ARHGAP26: variants seen among roughly 807,000 people sequenced by gnomAD.
The protein encoded by ARHGAP26 is Rho GTPase activating protein 26.
Under a neutral mutation model 104.8 loss-of-function variants are expected in ARHGAP26, and 38 were observed. The observed-to-expected ratio is 0.36, with a 90% CI of 0.28 to 0.48. ARHGAP26 has a LOEUF of 0.48. Among genes scored for constraint, ARHGAP26 ranks in the 20% least tolerant of loss-of-function variants. The pLI, the probability that ARHGAP26 is intolerant of heterozygous loss-of-function variation, is 0.99. For missense variants in ARHGAP26, 704 were observed against 947.9 expected, an observed-to-expected ratio of 0.74 and a Z score of 3.38; for synonymous variants, 341 against 340.0, an observed-to-expected ratio of 1.00 and a Z score of -0.03.
At chr5:143,062,316 G>C (rs1177447827) in intron 17 of ARHGAP26, among the ~76,000 whole-genome samples, 2 of 152,090 alleles carry the variant, frequency 1.3e-5, no homozygotes, top group African/African-American at 2.4e-5. Flanking sequence ...TTCCCTATGT[G>C]TTCTTTTCAT....
At chr5:143,198,325 T>G (rs1349290735) in intron 20 of ARHGAP26, among the ~76,000 whole-genome samples, 1 of 152,206 alleles carries the variant, frequency 6.6e-6, no homozygotes, top group African/African-American at 2.4e-5. Flanking sequence ...CCAAAATGCT[T>G]TAGTGTTTTC....
intron 11 of ARHGAP26, among the ~76,000 whole-genome samples, chr5:142,981,184 A>T (rs1245158987): frequency 1.3e-5 from 2 of 152,250 alleles, no homozygotes; most frequent in African/African-American, 2.4e-5. Flanking sequence ...GATAAAGAAC[A>T]TAGGCTTTGC....
rs1211259716 is a variant in ARHGAP26 at position 143,041,605 on chromosome 5, T to C, written c.1211-211T>C. 1.9e-5 allele frequency: 10 copies of C among 529,768 alleles called. 1 individual carries two copies. The highest frequency in any genetic ancestry group is 5.4e-5 in the South Asian group (2 of 37,170). The allele number at this position is 529,768 out of a possible 1,614,324, so 32.8% of individuals were successfully genotyped here. Reference sequence around the variant, plus strand: ...GACTGAACTAACATGAGGGCTGAAGTGTGCAGCACATCCGTGAAATCCTAG... The same window carrying C: ...GACTGAACTAACATGAGGGCTGAAGCGTGCAGCACATCCGTGAAATCCTAG... On this transcript the variant is annotated intron_variant, in intron 13 of 22. Coordinates refer to ENST00000645722, the MANE Select transcript of ARHGAP26 (RefSeq NM_001135608.3).
At chr5:142,983,877 T>G (rs909302579) in intron 11 of ARHGAP26, among the ~76,000 whole-genome samples, 1 of 152,264 alleles carries the variant, frequency 6.6e-6, no homozygotes, top group African/African-American at 2.4e-5. Flanking sequence ...AGTAGGATTT[T>G]CATTTAATTT....
chr5:143,066,936 C>T lies in ARHGAP26; in HGVS notation c.1538+9189C>T, dbSNP rs958740574. On this transcript the variant is annotated intron_variant, in intron 17 of 22. Transcript: ENST00000645722. ...CTTCCCTGTGAATATCAGGGCTCTT[C>T]GTGATTCAAATGCTCTGTGGGGTGG... 3.9e-5 allele frequency among the ~76,000 whole-genome samples: 6 copies of T among 152,178 alleles called. No individual in the cohort carries two copies. The East Asian group carries it at 9.7e-4, about 25-fold the overall frequency.
intron 20 of ARHGAP26, among the ~76,000 whole-genome samples, chr5:143,160,539 C>T (rs1299549316): frequency 1.3e-5 from 2 of 150,266 alleles, no homozygotes; most frequent in Non-Finnish European, 3.0e-5. Context: ...AGGCTGAGTT[C>T]AGTGGTGCAA....
chr5:143,000,445 G>A (rs1205431932), intron 11 of ARHGAP26, among the ~76,000 whole-genome samples: 1 of 152,146 alleles, frequency 6.6e-6, no homozygotes, highest in African/African-American at 2.4e-5. Flanking sequence ...GAAGTAAAAA[G>A]GACTAAAGGT....
At chr5:143,017,197 A>G (rs554186055) in intron 12 of ARHGAP26, among the ~76,000 whole-genome samples, 2 of 152,376 alleles carry the variant, frequency 1.3e-5, no homozygotes, top group East Asian at 3.8e-4. Context: ...TCAGAGAGCC[A>G]GAATGTTCTG....
intron 8 of ARHGAP26, among the ~76,000 whole-genome samples, chr5:142,905,572 G>C (rs995873959): frequency 6.6e-6 from 1 of 152,114 alleles, no homozygotes; most frequent in African/African-American, 2.4e-5. Flanking sequence ...GAGTATTCAC[G>C]TGAGTACAAC....
chr5:143,223,767 C>A lies in ARHGAP26; in HGVS notation c.*1321C>A, dbSNP rs1464636676. On this transcript the variant is annotated 3_prime_UTR_variant, in exon 23 of 23. Coordinates refer to ENST00000645722, the MANE Select transcript of ARHGAP26 (RefSeq NM_001135608.3). ...TAGGCCATTGTGATTCAGGAAGAAA[C>A]CCAAGGTTGGAGGGTGGGATGAGTA... 1 of 232,126 alleles carries A rather than the reference C, an allele frequency of 4.3e-6. No individual in the cohort carries two copies. Among genetic ancestry groups the A allele is most frequent in the East Asian group, 6.1e-5 (1 of 16,402 alleles). 14.4% of individuals were successfully genotyped at this position (232,126 alleles called of 1,614,324 possible).
intron 14 of ARHGAP26, among the ~76,000 whole-genome samples, chr5:143,050,592 T>C (rs1481964414): frequency 1.3e-5 from 2 of 152,218 alleles, no homozygotes; most frequent in Non-Finnish European, 2.9e-5. Flanking sequence ...CAATGACTTC[T>C]TTCTGAAGAA....
At chr5:142,857,577 G>T (rs996909420) in intron 1 of ARHGAP26, among the ~76,000 whole-genome samples, 4 of 152,112 alleles carry the variant, frequency 2.6e-5, no homozygotes, top group Admixed American at 6.5e-5. Flanking sequence ...CTTTCTCACT[G>T]TCCTAGGAGC....
intron 20 of ARHGAP26, among the ~76,000 whole-genome samples, chr5:143,200,191 G>C (rs1430431434): frequency 6.6e-6 from 1 of 152,174 alleles, no homozygotes; most frequent in Non-Finnish European, 1.5e-5. Context: ...GCTCAATGTT[G>C]GTGGGGTAAT....
At chr5:143,169,129 C>G (rs1306027474) in intron 20 of ARHGAP26, among the ~76,000 whole-genome samples, 3 of 152,242 alleles carry the variant, frequency 2.0e-5, no homozygotes, top group African/African-American at 7.2e-5. Context: ...CTAACAGGAG[C>G]TATTCCTGTC....
chr5:143,206,660 CCTT>C (rs1808608502), intron 20 of ARHGAP26, among the ~76,000 whole-genome samples: 1 of 152,218 alleles, frequency 6.6e-6, no homozygotes, highest in Non-Finnish European at 1.5e-5. Context: ...TCGGCTATCA[CCTT>C]CTTCATGCAG....
chr5:142,966,866 G>A (rs747906650), intron 11 of ARHGAP26, among the ~76,000 whole-genome samples: 1 of 152,126 alleles, frequency 6.6e-6, no homozygotes, highest in Non-Finnish European at 1.5e-5. Context: ...GTAAACTATG[G>A]TATGACAACC....
At chr5:143,096,534 G>T (rs928073833) in intron 17 of ARHGAP26, among the ~76,000 whole-genome samples, 1 of 152,206 alleles carries the variant, frequency 6.6e-6, no homozygotes, top group Non-Finnish European at 1.5e-5. Context: ...TTGCAACTCA[G>T]TCGCACAACT....
At chr5:142,773,175 T>A (rs956769014) in intron 1 of ARHGAP26, among the ~76,000 whole-genome samples, 1 of 152,206 alleles carries the variant, frequency 6.6e-6, no homozygotes, top group African/African-American at 2.4e-5. Flanking sequence ...GGTATACTAC[T>A]ATATTAATGT....
At chr5:143,167,993 G>T (rs1215709976) in intron 20 of ARHGAP26, among the ~76,000 whole-genome samples, 1 of 152,180 alleles carries the variant, frequency 6.6e-6, no homozygotes, top group African/African-American at 2.4e-5. Flanking sequence ...GAATGGTCTA[G>T]GTGCTACAGG....
Sources: gnomAD v4.1 joint callset for allele counts (sites outside exome capture counted in the v4.1 genomes callset) on GRCh38, gnomAD v4.1.1 for gene constraint, MANE v1.5 for transcripts, NCBI Gene and HGNC (gene_info 2026-07-23, HGNC 2026-07-21) for gene names.